The following KDM4C variants were observed in gnomAD, a reference collection of about 807,000 sequenced individuals.
KDM4C encodes the protein lysine-specific demethylase 4C.
In KDM4C, 81 loss-of-function variants were observed where a neutral mutation model predicts 129.3. The ratio of observed to expected loss-of-function variants is 0.63; its 90% CI spans 0.52 to 0.75. KDM4C has a LOEUF of 0.75. Ranked by LOEUF, KDM4C falls within the 30% of genes least tolerant of loss-of-function variation. KDM4C has a pLI of 0.00. For missense variants in KDM4C, 1,457 were observed against 1,304.0 expected, an observed-to-expected ratio of 1.12 and a Z score of -1.81; for synonymous variants, 573 against 456.1, an observed-to-expected ratio of 1.26 and a Z score of -3.26.
intron 19 of KDM4C, among the ~76,000 whole-genome samples, chr9:7,146,092 C>A (rs952563098): frequency 1.3e-5 from 2 of 152,166 alleles, no homozygotes; most frequent in Non-Finnish European, 2.9e-5. Context: ...CCATTAAAAT[C>A]ATGTTTTCAA....
chr9:6,939,976 A>ACATT (rs1825578062), intron 8 of KDM4C, among the ~76,000 whole-genome samples: 1 of 93,480 alleles, frequency 1.1e-5, no homozygotes, highest in African/African-American at 4.1e-5. Context: ...CTACCTACCT[A>ACATT]CCTTCCTTCC....
chr9:6,929,880 A>G (rs984380177), intron 8 of KDM4C, among the ~76,000 whole-genome samples: 4 of 152,206 alleles, frequency 2.6e-5, no homozygotes, highest in African/African-American at 9.6e-5. Flanking sequence ...GACGATTTCT[A>G]CAACCCTCTG....
chr9:6,958,687 A>ATTTTTTTTTT lies in KDM4C; in HGVS notation c.922-22232_922-22223dup, dbSNP rs377187050. Among the ~76,000 whole-genome samples, 21 of 136,342 alleles carry ATTTTTTTTTT rather than the reference A, an allele frequency of 1.5e-4. 1 individual carries two copies. The highest frequency in any genetic ancestry group is 5.8e-4 in the African/African-American group (20 of 34,646). 89.4% of individuals were successfully genotyped at this position (136,342 alleles called of 152,430 possible). On this transcript the variant is annotated intron_variant, in intron 8 of 21. Transcript: ENST00000381309. ...AATACATTATGCCTTTCTTTATATGATTTTTTTTTTTTTTTGGGACAGGGT... is the reference window on the plus strand; with the variant it reads ...AATACATTATGCCTTTCTTTATATGATTTTTTTTTTTTTTTTTTTTTTTTTGGGACAGGGT...
intron 8 of KDM4C, among the ~76,000 whole-genome samples, chr9:6,980,047 G>A (rs1462461323): frequency 6.6e-6 from 1 of 152,166 alleles, no homozygotes; most frequent in Non-Finnish European, 1.5e-5. Flanking sequence ...GTATCACCAA[G>A]ATATCTAAAG....
intron 19 of KDM4C, among the ~76,000 whole-genome samples, chr9:7,129,729 A>T (rs1180336623): frequency 2.0e-5 from 3 of 152,116 alleles, no homozygotes; most frequent in African/African-American, 7.2e-5. Context: ...ACTACAAGCA[A>T]TCTACCACCT....
intron 1 of KDM4C, among the ~76,000 whole-genome samples, chr9:6,765,313 C>G (rs1563954502): frequency 6.6e-6 from 1 of 152,088 alleles, no homozygotes; most frequent in Non-Finnish European, 1.5e-5. Context: ...CTGATTTCTC[C>G]TCTCATTTTC....
chr9:6,963,760 C>A (rs1037419228), intron 8 of KDM4C, among the ~76,000 whole-genome samples: 117 of 152,220 alleles, frequency 7.7e-4, no homozygotes, highest in African/African-American at 2.7e-3. Flanking sequence ...TTTCCTGCCT[C>A]TCAGTCTTCT....
At chr9:6,834,798 G>T in intron 4 of KDM4C, 3 of 1,361,768 alleles carry the variant, frequency 2.2e-6, no homozygotes, top group South Asian at 1.2e-5. Flanking sequence ...CCCAAGGCCA[G>T]CCGCGAGAAG....
In KDM4C at chr9:7,022,715, C is replaced by G. The variant is rs905265592; in HGVS notation, c.2259+6786C>G. 3.4e-5 allele frequency among the ~76,000 whole-genome samples: 5 copies of G among 149,080 alleles called. No individual in the cohort carries two copies. In the Admixed American group the frequency reaches 3.4e-4, roughly 10 times the overall value. On this transcript the variant is annotated intron_variant, in intron 15 of 21. Coordinates refer to ENST00000381309, the MANE Select transcript of KDM4C (RefSeq NM_015061.6). The stretch of plus-strand genomic sequence containing the variant: ...AAGAACAGTGTTGAAAATAGGAATC[C>G]TTGTTGTGTTACAGGTCTTAGAGAA...
At chr9:7,057,421 A>G (rs368548325) in intron 17 of KDM4C, among the ~76,000 whole-genome samples, 4 of 152,246 alleles carry the variant, frequency 2.6e-5, no homozygotes, top group African/African-American at 9.6e-5. Flanking sequence ...AGCCTCCCTT[A>G]GGTTGAGATG....
At chr9:6,967,276 T>C (rs1831152572) in intron 8 of KDM4C, among the ~76,000 whole-genome samples, 2 of 151,882 alleles carry the variant, frequency 1.3e-5, no homozygotes, top group Admixed American at 1.3e-4. Flanking sequence ...ATACAAATAT[T>C]AGCCGGGCTT....
rs534573238 is a variant in KDM4C at position 7,120,810 on chromosome 9, G to T, written c.2611-7256G>T. ...ACTGAACTGAAGAATAAATGTTGGAGATGGTGTTTTCTTCCTAACTCACTT... is the reference window on the plus strand; with the variant it reads ...ACTGAACTGAAGAATAAATGTTGGATATGGTGTTTTCTTCCTAACTCACTT... On this transcript the variant is annotated intron_variant, in intron 18 of 21. Coordinates refer to ENST00000381309, the MANE Select transcript of KDM4C (RefSeq NM_015061.6). Among the ~76,000 whole-genome samples, 3 of 152,248 alleles carry T rather than the reference G, an allele frequency of 2.0e-5. No homozygotes were observed. The South Asian group carries it at 6.2e-4, about 32-fold the overall frequency.
intron 5 of KDM4C, 49 bp from the exon 6 acceptor site, chr9:6,879,963 A>G: frequency 3.2e-6 from 3 of 940,172 alleles, no homozygotes. Context: ...TTAGGCTACT[A>G]GCTGAAAAAT....
At chr9:7,064,699 G>A (rs1442855358) in intron 17 of KDM4C, among the ~76,000 whole-genome samples, 1 of 152,144 alleles carries the variant, frequency 6.6e-6, no homozygotes, top group Non-Finnish European at 1.5e-5. Context: ...AGACCATCTG[G>A]GTGTGGCTCA....
chr9:7,134,355 T>C (rs1326082564), intron 19 of KDM4C, among the ~76,000 whole-genome samples: 1 of 152,206 alleles, frequency 6.6e-6, no homozygotes, highest in Non-Finnish European at 1.5e-5. Context: ...TCTGACAAAT[T>C]TTATTTATAA....
At chr9:7,143,100 C>T (rs1164767140) in intron 19 of KDM4C, among the ~76,000 whole-genome samples, 2 of 152,208 alleles carry the variant, frequency 1.3e-5, no homozygotes, top group Non-Finnish European at 2.9e-5. Flanking sequence ...TCTATAAAAG[C>T]TAGTCTCAGC....
intron 13 of KDM4C, among the ~76,000 whole-genome samples, chr9:7,012,712 C>T (rs1015223245): frequency 6.6e-6 from 1 of 152,154 alleles, no homozygotes; most frequent in African/African-American, 2.4e-5. Flanking sequence ...TCACAGTCCT[C>T]AGCACTCAAA....
At chr9:6,993,737 G>A (rs561909342) in intron 12 of KDM4C, among the ~76,000 whole-genome samples, 7 of 152,200 alleles carry the variant, frequency 4.6e-5, no homozygotes, top group African/African-American at 1.4e-4. Context: ...AGGGCGGCCA[G>A]CTTAGAAATC....
intron 2 of KDM4C, among the ~76,000 whole-genome samples, chr9:6,799,611 C>T (rs538296468): frequency 2.5e-4 from 36 of 145,300 alleles, no homozygotes; most frequent in Non-Finnish European, 3.9e-4. Context: ...AGACGGGAGA[C>T]GGGAGACGGG....
Sources: allele counts gnomAD v4.1 joint callset (sites outside exome capture counted in the v4.1 genomes callset), GRCh38; gene constraint gnomAD v4.1.1; transcripts MANE v1.5; gene names NCBI Gene and HGNC (gene_info 2026-07-23, HGNC 2026-07-21).